Variants in RPS6KA5 observed in about 807,000 individuals in gnomAD.
RPS6KA5 encodes ribosomal protein S6 kinase alpha-5.
In RPS6KA5, 27 loss-of-function variants were observed where a neutral mutation model predicts 85.5. That is an observed-to-expected ratio of 0.32 (90% confidence interval 0.23 to 0.44). The LOEUF is 0.44. RPS6KA5 is among the 20% of genes least tolerant of loss of function. RPS6KA5 has a pLI of 1.00. For synonymous variants in RPS6KA5, 334 were observed against 348.2 expected (o/e 0.96, Z 0.46); for missense variants, 811 against 980.9 (o/e 0.83, Z 2.31).
At chr14:90,921,819 A>G (rs368192804) in intron 6 of RPS6KA5, among the ~76,000 whole-genome samples, 3 of 152,224 alleles carry the variant, frequency 2.0e-5, no homozygotes, top group Admixed American at 1.3e-4. Flanking sequence ...GGGACTCTGA[A>G]AGGGAATGAA....
At position 90,850,121 on chromosome 14, in the gene RPS6KA5, CT is replaced by C. The variant is rs2031919179; in HGVS notation, c.*21952del. The C allele has an allele frequency of 6.6e-6, 1 of 152,190 alleles. No homozygotes were observed. Among genetic ancestry groups the C allele is most frequent in the Admixed American group, 6.5e-5 (1 of 15,280 alleles). 9.4% of individuals were successfully genotyped at this position (152,190 alleles called of 1,614,324 possible). A position where few individuals can be genotyped will look rare whatever the true frequency, so the allele number is the denominator to read the frequency against. ...TCTAGTCTGGGAAGGGATCTGTGGG[CT>C]TTCTACAAGGGAGCAAACAACCTCA... On this transcript the variant is annotated 3_prime_UTR_variant, in exon 17 of 17. Coordinates refer to ENST00000614987, the MANE Select transcript of RPS6KA5 (RefSeq NM_004755.4).
intron 2 of RPS6KA5, among the ~76,000 whole-genome samples, chr14:90,979,452 C>G (rs1483862289): frequency 2.0e-5 from 3 of 152,258 alleles, no homozygotes; most frequent in Non-Finnish European, 4.4e-5. Context: ...TCCAGTCTCT[C>G]TGTTAAATGC....
intron 3 of RPS6KA5, among the ~76,000 whole-genome samples, chr14:90,964,085 A>G (rs559631784): frequency 6.6e-6 from 1 of 152,346 alleles, no homozygotes; most frequent in East Asian, 1.9e-4. Context: ...ATTAATGTAA[A>G]AAACGGACTG....
chr14:90,873,547 A>G (rs866010747), intron 16 of RPS6KA5, 85 bp downstream of exon 16: 2 of 1,234,228 alleles, frequency 1.6e-6, no homozygotes, highest in Middle Eastern at 2.0e-4. Flanking sequence ...GAAACAAAGA[A>G]AACGTATCTG....
At chr14:90,954,936 TA>T (rs2038422146) in intron 3 of RPS6KA5, among the ~76,000 whole-genome samples, 1 of 152,224 alleles carries the variant, frequency 6.6e-6, no homozygotes, top group Admixed American at 6.5e-5. Context: ...AGGTCAATAG[TA>T]ATGTCCTTTC....
chr14:90,895,390 C>T (rs113808915), intron 12 of RPS6KA5, among the ~76,000 whole-genome samples: 2,834 of 152,170 alleles, frequency 0.019, 89 homozygotes, highest in African/African-American at 0.065. Context: ...TTGATATTGT[C>T]ATTTTGAACC....
intron 2 of RPS6KA5, among the ~76,000 whole-genome samples, chr14:90,980,748 C>A (rs1229379162): frequency 6.6e-6 from 1 of 152,164 alleles, no homozygotes; most frequent in South Asian, 2.1e-4. Context: ...AAATAGGGAA[C>A]CAGAGATTAA....
At position 90,868,189 on chromosome 14, in the gene RPS6KA5, A is replaced by G. The variant is rs1249269809; in HGVS notation, c.*3885T>C. 7 of 152,208 alleles carry G rather than the reference A, an allele frequency of 4.6e-5. No individual in the cohort carries two copies. Among genetic ancestry groups the G allele is most frequent in the African/African-American group, 1.7e-4 (7 of 41,458 alleles). The allele number at this position is 152,208 out of a possible 1,614,324, so 9.4% of individuals were successfully genotyped here. A position where few individuals can be genotyped will look rare whatever the true frequency, so the allele number is the denominator to read the frequency against. ...GCTGTAGCAGTTATTTTCTTTGGGT[A>G]GATTATACTTAAAATATTTCCTTCA... is the stretch of plus-strand genomic sequence containing the variant. On this transcript the variant is annotated 3_prime_UTR_variant, in exon 17 of 17. Transcript: ENST00000614987.
At chr14:90,915,978 A>G (rs112519247) in intron 7 of RPS6KA5, among the ~76,000 whole-genome samples, 1,879 of 152,258 alleles carry the variant, frequency 0.012, 38 homozygotes, top group African/African-American at 0.043. Context: ...TTTGCCCAAA[A>G]TAGTATCAGG....
intron 11 of RPS6KA5, among the ~76,000 whole-genome samples, chr14:90,899,811 C>G (rs2035057596): frequency 6.6e-6 from 1 of 152,156 alleles, no homozygotes. Context: ...GTAGAAATGG[C>G]AATGGCTGCC....
In RPS6KA5 at chr14:90,862,174, T is replaced by C. The variant is rs1300276285; in HGVS notation, c.*9900A>G. 1 of 152,116 alleles carries C rather than the reference T, an allele frequency of 6.6e-6. No homozygotes were observed. Among genetic ancestry groups the C allele is most frequent in the Non-Finnish European group, 1.5e-5 (1 of 68,020 alleles). The allele number at this position is 152,116 out of a possible 1,614,324, so 9.4% of individuals were successfully genotyped here. A position where few individuals can be genotyped will look rare whatever the true frequency, so the allele number is the denominator to read the frequency against. ...TGTAAGATGGTAGACTTAAAACCAA[T>C]AATAATTACATTAACTGTAAGTAGA... On this transcript the variant is annotated 3_prime_UTR_variant, in exon 17 of 17. Transcript: ENST00000614987.
intron 1 of RPS6KA5, among the ~76,000 whole-genome samples, chr14:91,052,641 G>A (rs182513583): frequency 4.2e-4 from 63 of 149,540 alleles, no homozygotes; most frequent in African/African-American, 1.5e-3. Context: ...TGGCTAACAC[G>A]ATGAAACCCC....
intron 3 of RPS6KA5, among the ~76,000 whole-genome samples, chr14:90,973,122 T>C (rs2039397576): frequency 6.6e-6 from 1 of 152,190 alleles, no homozygotes; most frequent in Non-Finnish European, 1.5e-5. Flanking sequence ...ACAACTTCTA[T>C]GGAAGTGTAT....
intron 2 of RPS6KA5, among the ~76,000 whole-genome samples, chr14:90,998,143 T>C (rs1415089784): frequency 1.3e-5 from 2 of 151,884 alleles, no homozygotes; most frequent in Non-Finnish European, 2.9e-5. Flanking sequence ...TTATATGAAA[T>C]GCCTAGAAGA....
intron 1 of RPS6KA5, among the ~76,000 whole-genome samples, chr14:91,018,674 G>A (rs1051156373): frequency 2.0e-5 from 3 of 152,058 alleles, no homozygotes; most frequent in African/African-American, 7.2e-5. Context: ...GGTTTGCCGG[G>A]GGCTCTCAGG....
At chr14:90,951,791 G>A (rs2038203853) in intron 3 of RPS6KA5, among the ~76,000 whole-genome samples, 1 of 152,086 alleles carries the variant, frequency 6.6e-6, no homozygotes, top group Non-Finnish European at 1.5e-5. Flanking sequence ...TACCCCCAGA[G>A]GCCTTGTATG....
At chr14:90,875,148 C>T in intron 15 of RPS6KA5, 53 bp downstream of exon 15, 1 of 1,513,268 alleles carries the variant, frequency 6.6e-7, no homozygotes, top group Non-Finnish European at 9.0e-7. Flanking sequence ...GGCCATGATT[C>T]TACTTCAATC....
intron 1 of RPS6KA5, among the ~76,000 whole-genome samples, chr14:91,007,398 A>C (rs888334594): frequency 1.3e-5 from 2 of 152,246 alleles, no homozygotes; most frequent in African/African-American, 4.8e-5. Context: ...GAGTTGTTAA[A>C]TATTAGTAAA....
chr14:90,899,289 T>C, intron 12 of RPS6KA5, 40 bp downstream of exon 12: 1 of 1,302,540 alleles, frequency 7.7e-7, no homozygotes, highest in Non-Finnish European at 1.1e-6. Context: ...TGTAAGTGAA[T>C]TAGTACACAT....
Sources: gnomAD v4.1 joint callset for allele counts (sites outside exome capture counted in the v4.1 genomes callset) on GRCh38, gnomAD v4.1.1 for gene constraint, MANE v1.5 for transcripts, NCBI Gene and HGNC (gene_info 2026-07-23, HGNC 2026-07-21) for gene names.